The following RBFOX1 variants were observed in gnomAD, a reference collection of about 807,000 sequenced individuals.
RBFOX1 encodes RNA binding fox-1 homolog 1.
Under a neutral mutation model 57.7 loss-of-function variants are expected in RBFOX1, and 8 were observed. That is an observed-to-expected ratio of 0.14 (90% CI 0.08 to 0.25). The LOEUF is 0.25. RBFOX1 is among the 10% of genes least tolerant of loss of function. RBFOX1 has a pLI of 1.00. For synonymous variants in RBFOX1, 326 were observed against 222.4 expected (o/e 1.47, Z -4.15); for missense variants, 611 against 548.5 (o/e 1.11, Z -1.14).
intron 3 of RBFOX1, among the ~76,000 whole-genome samples, chr16:6,855,825 C>T (rs906552321): frequency 6.7e-6 from 1 of 150,080 alleles, no homozygotes; most frequent in Non-Finnish European, 1.5e-5. Flanking sequence ...CTTCCTCCTT[C>T]CCTCCCTCCT....
intron 1 of RBFOX1, among the ~76,000 whole-genome samples, chr16:6,212,831 G>A (rs948258019): frequency 2.0e-5 from 3 of 152,060 alleles, no homozygotes; most frequent in African/African-American, 7.2e-5. Flanking sequence ...CAAGACATAT[G>A]TACCCTATTT....
intron 3 of RBFOX1, among the ~76,000 whole-genome samples, chr16:6,741,765 C>T (rs2072221625): frequency 6.6e-6 from 1 of 151,806 alleles, no homozygotes; most frequent in South Asian, 2.1e-4. Flanking sequence ...TTGCAAATTT[C>T]ATATCTAATA....
chr16:6,822,385 CAG>C (rs1181657575), intron 3 of RBFOX1, among the ~76,000 whole-genome samples: 1 of 152,208 alleles, frequency 6.6e-6, no homozygotes, highest in Non-Finnish European at 1.5e-5. Context: ...ATTTGGCTGT[CAG>C]GGGAGATGCC....
At chr16:7,262,634 T>C (rs536689053) in intron 4 of RBFOX1, among the ~76,000 whole-genome samples, 20 of 152,376 alleles carry the variant, frequency 1.3e-4, no homozygotes, top group African/African-American at 4.8e-4. Flanking sequence ...TCTGCAGCTT[T>C]GATAGCTGTC....
At position 7,541,737 on chromosome 16, in the gene RBFOX1, C is replaced by G. The variant is rs1208277472; in HGVS notation, c.270+23348C>G. On this transcript the variant is annotated intron_variant, in intron 5 of 15. Coordinates refer to ENST00000550418, the MANE Select transcript of RBFOX1 (RefSeq NM_018723.4). ...TCTCCATGCAAGCAGCCATGCTTTCCTAGTCATTAACCACCTGGGCCTTGG... is the reference window on the plus strand; with the variant it reads ...TCTCCATGCAAGCAGCCATGCTTTCGTAGTCATTAACCACCTGGGCCTTGG... Among the ~76,000 whole-genome samples, 3 of 152,194 alleles carry G rather than the reference C, an allele frequency of 2.0e-5. No homozygotes were observed. The South Asian group carries it at 6.2e-4, about 31-fold the overall frequency.
chr16:6,984,362 A>C (rs1380401477), intron 3 of RBFOX1, among the ~76,000 whole-genome samples: 1 of 152,172 alleles, frequency 6.6e-6, no homozygotes, highest in Non-Finnish European at 1.5e-5. Flanking sequence ...TGGGATATGC[A>C]TGAAAAAGCC....
At chr16:5,908,551 C>T (rs145920455) in intron 4 of RBFOX1, among the ~76,000 whole-genome samples, 4,703 of 151,934 alleles carry the variant, frequency 0.031, 244 homozygotes, top group African/African-American at 0.11. Context: ...AGCGTTTTCA[C>T]CATATTGGCC....
chr16:7,675,046 C>T (rs2072855531), intron 13 of RBFOX1, among the ~76,000 whole-genome samples: 1 of 152,200 alleles, frequency 6.6e-6, no homozygotes, highest in South Asian at 2.1e-4. Flanking sequence ...CCACTCAAAA[C>T]TTTAAGCCTG....
intron 1 of RBFOX1, among the ~76,000 whole-genome samples, chr16:6,101,248 C>T (rs530240768): frequency 6.6e-6 from 1 of 152,326 alleles, no homozygotes; most frequent in East Asian, 1.9e-4. Context: ...CTCAAAACAG[C>T]ATGCACCTTC....
At chr16:5,700,079 G>T (rs775406759) in intron 3 of RBFOX1, among the ~76,000 whole-genome samples, 1 of 152,234 alleles carries the variant, frequency 6.6e-6, no homozygotes, top group East Asian at 1.9e-4. Context: ...TGATCTGCCC[G>T]CCTTGGCCTC....
chr16:5,815,882 C>A (rs893507431), intron 3 of RBFOX1, among the ~76,000 whole-genome samples: 9 of 152,068 alleles, frequency 5.9e-5, no homozygotes, highest in Non-Finnish European at 1.2e-4. Flanking sequence ...GAGCCTGGGG[C>A]TGGGGGCTGC....
chr16:7,351,428 A>G (rs2097128393), intron 4 of RBFOX1, among the ~76,000 whole-genome samples: 1 of 152,258 alleles, frequency 6.6e-6, no homozygotes, highest in African/African-American at 2.4e-5. Context: ...GTCAGCTTTG[A>G]TTCTTTTTTT....
rs1567212800 is a variant in RBFOX1 at position 6,780,099 on chromosome 16, T to TA, written c.-16+125449_-16+125450insA. Among the ~76,000 whole-genome samples, 25 of 19,448 alleles carry TA rather than the reference T, an allele frequency of 1.3e-3. 2 individuals carry two copies. Among genetic ancestry groups the TA allele is most frequent in the African/African-American group, 2.9e-3 (6 of 2,086 alleles). The allele number at this position is 19,448 out of a possible 152,430, so 12.8% of individuals were successfully genotyped here. The stretch of plus-strand genomic sequence containing the variant: ...TACATATTTATATATATTTATATAT[T>TA]TTTATATATTTATATATATTTATAT... On this transcript the variant is annotated intron_variant, in intron 3 of 15. Transcript: ENST00000550418.
chr16:6,310,677 A>G (rs1344887137), intron 1 of RBFOX1, among the ~76,000 whole-genome samples: 2 of 152,174 alleles, frequency 1.3e-5, no homozygotes, highest in African/African-American at 4.8e-5. Flanking sequence ...TATTTGTCAA[A>G]CTGTACTGTC....
intron 2 of RBFOX1, among the ~76,000 whole-genome samples, chr16:6,502,852 A>T (rs1182321607): frequency 1.3e-5 from 2 of 152,114 alleles, no homozygotes; most frequent in African/African-American, 4.8e-5. Flanking sequence ...TTGAATCCAA[A>T]TACTAACTGG....
intron 1 of RBFOX1, among the ~76,000 whole-genome samples, chr16:6,271,920 G>A (rs2075264312): frequency 6.6e-6 from 1 of 152,092 alleles, no homozygotes; most frequent in Non-Finnish European, 1.5e-5. Context: ...GAAAACAGGA[G>A]AGAAATAAGA....
chr16:7,634,372 C>G (rs552665490), intron 11 of RBFOX1, among the ~76,000 whole-genome samples: 3 of 148,964 alleles, frequency 2.0e-5, no homozygotes, highest in Non-Finnish European at 4.4e-5. Flanking sequence ...GGATCTTTAA[C>G]TGGCCTTTGA....
intron 3 of RBFOX1, among the ~76,000 whole-genome samples, chr16:6,910,835 T>C (rs1205432030): frequency 1.3e-5 from 2 of 152,188 alleles, no homozygotes; most frequent in African/African-American, 4.8e-5. Flanking sequence ...TATCTAAGCT[T>C]ATATCCAGAA....
intron 3 of RBFOX1, among the ~76,000 whole-genome samples, chr16:5,693,353 A>G (rs1393946760): frequency 2.6e-5 from 3 of 113,906 alleles, no homozygotes; most frequent in Non-Finnish European, 5.5e-5. Flanking sequence ...TTTTAAAAGC[A>G]TATATAGGCA....
Sources: gnomAD v4.1 joint callset for allele counts (sites outside exome capture counted in the v4.1 genomes callset) on GRCh38, gnomAD v4.1.1 for gene constraint, MANE v1.5 for transcripts, NCBI Gene and HGNC (gene_info 2026-07-23, HGNC 2026-07-21) for gene names.